Variants in GSK3B observed in about 807,000 individuals in gnomAD.
GSK3B encodes the protein glycogen synthase kinase 3 beta.
In GSK3B, 15 loss-of-function variants were observed where a neutral mutation model predicts 56.4. The ratio of observed to expected loss-of-function variants is 0.27; its 90% confidence interval spans 0.18 to 0.41. The LOEUF (loss-of-function observed/expected upper bound fraction) is 0.41, where lower values mean the gene tolerates loss of function less well. Ranked by LOEUF, GSK3B falls within the 10% of genes least tolerant of loss-of-function variation. GSK3B has a pLI of 1.00. For missense variants in GSK3B, 300 were observed against 513.4 expected, an observed-to-expected ratio of 0.58 and a Z score of 4.02; for synonymous variants, 181 against 188.9, an observed-to-expected ratio of 0.96 and a Z score of 0.34.
chr3:120,023,641 T>C (rs1267023342), intron 1 of GSK3B, among the ~76,000 whole-genome samples: 2 of 152,166 alleles, frequency 1.3e-5, no homozygotes, highest in Non-Finnish European at 2.9e-5. Context: ...CCATTTCCCT[T>C]ATCTTAAGAC....
At chr3:119,948,903 T>C (rs905881084) in intron 2 of GSK3B, among the ~76,000 whole-genome samples, 2 of 152,138 alleles carry the variant, frequency 1.3e-5, no homozygotes, top group African/African-American at 4.8e-5. Context: ...GGTTTCACCA[T>C]GTTGGCCAGG....
chr3:119,847,023 A>G (rs2055864897), intron 9 of GSK3B, among the ~76,000 whole-genome samples: 2 of 152,206 alleles, frequency 1.3e-5, no homozygotes, highest in African/African-American at 4.8e-5. Flanking sequence ...CATTCTCAGC[A>G]AACTAACACA....
chr3:120,064,238 T>C (rs2058261975), intron 1 of GSK3B, among the ~76,000 whole-genome samples: 1 of 151,810 alleles, frequency 6.6e-6, no homozygotes, highest in African/African-American at 2.4e-5. Flanking sequence ...ACCCTTAATC[T>C]TGAAACAAAA....
intron 1 of GSK3B, among the ~76,000 whole-genome samples, chr3:120,012,599 G>A (rs1378523021): frequency 6.6e-6 from 1 of 152,094 alleles, no homozygotes; most frequent in Non-Finnish European, 1.5e-5. Context: ...ACATAAACCA[G>A]AATAGACCCC....
chr3:120,017,117 A>AT (rs1183915128), intron 1 of GSK3B, among the ~76,000 whole-genome samples: 1 of 152,338 alleles, frequency 6.6e-6, no homozygotes, highest in East Asian at 1.9e-4. Context: ...GGTAGACACT[A>AT]TATTTAAATT....
chr3:119,892,393 C>T (rs1282106177), intron 7 of GSK3B, among the ~76,000 whole-genome samples: 1 of 152,170 alleles, frequency 6.6e-6, no homozygotes, highest in Non-Finnish European at 1.5e-5. Flanking sequence ...TATCCACTCC[C>T]TTCCGCTCCC....
rs71156775 is a variant in GSK3B, at chr3:119,822,243, T to TTA, written c.*4543_*4544dup. ...TAGTTTGTATACAACCCACAGTCCT[T>TTA]TATATATATATATATATATATATAA... On this transcript the variant is annotated 3_prime_UTR_variant, in exon 11 of 11. Coordinates refer to ENST00000264235, the MANE Select transcript of GSK3B (RefSeq NM_001146156.2). 10,458 of 156,728 alleles carry TTA rather than the reference T, an allele frequency of 0.067. 208 individuals carry two copies. Among genetic ancestry groups the TTA allele is most frequent in the East Asian group, 0.15 (1,218 of 8,064 alleles). 9.7% of individuals were successfully genotyped at this position (156,728 alleles called of 1,614,324 possible).
chr3:119,859,938 CACAT>C (rs1360925758), intron 9 of GSK3B, among the ~76,000 whole-genome samples: 4 of 152,192 alleles, frequency 2.6e-5, no homozygotes, highest in Non-Finnish European at 5.9e-5. Flanking sequence ...CTACCATTCT[CACAT>C]AATCTAGCCA....
intron 2 of GSK3B, among the ~76,000 whole-genome samples, chr3:119,952,325 T>C (rs528312977): frequency 6.6e-6 from 1 of 151,608 alleles, no homozygotes; most frequent in East Asian, 1.9e-4. Flanking sequence ...CCATCTCTAC[T>C]AAAAATACAA....
intron 9 of GSK3B, among the ~76,000 whole-genome samples, chr3:119,854,475 AAT>A (rs1201475413): frequency 9.9e-5 from 15 of 152,226 alleles, no homozygotes; most frequent in African/African-American, 3.4e-4. Context: ...TATTGACTGG[AAT>A]AGTTTCAGAA....
chr3:120,091,211 G>A (rs1240367693), intron 1 of GSK3B, among the ~76,000 whole-genome samples: 1 of 152,112 alleles, frequency 6.6e-6, no homozygotes, highest in Non-Finnish European at 1.5e-5. Context: ...AAGCTTTTGA[G>A]AGCAAGGACT....
At chr3:119,864,495 T>C (rs2056150371) in intron 8 of GSK3B, among the ~76,000 whole-genome samples, 1 of 152,178 alleles carries the variant, frequency 6.6e-6, no homozygotes. Context: ...GAGAAGCCTT[T>C]GAAATTAAAG....
intron 1 of GSK3B, among the ~76,000 whole-genome samples, chr3:120,027,600 T>C (rs2057939209): frequency 6.6e-6 from 1 of 152,162 alleles, no homozygotes; most frequent in Admixed American, 6.5e-5. Flanking sequence ...ACACTCACAA[T>C]GAACAGACTA....
At chr3:119,943,941 T>G (rs773590783) in intron 3 of GSK3B, among the ~76,000 whole-genome samples, 10 of 151,524 alleles carry the variant, frequency 6.6e-5, no homozygotes, top group Non-Finnish European at 8.8e-5. Context: ...CAGTGAAAGG[T>G]TGAGGAATCC....
At chr3:119,842,167 C>T (rs943411821) in intron 10 of GSK3B, among the ~76,000 whole-genome samples, 62 of 152,172 alleles carry the variant, frequency 4.1e-4, no homozygotes, top group African/African-American at 1.4e-3. Context: ...GTTTTAAAAG[C>T]ATCCAGTCAT....
At chr3:119,873,483 C>T (rs934965840) in intron 8 of GSK3B, among the ~76,000 whole-genome samples, 4 of 152,062 alleles carry the variant, frequency 2.6e-5, no homozygotes, top group African/African-American at 9.7e-5. Flanking sequence ...TGTTTCCAGA[C>T]TCCTGTTTAC....
At chr3:120,080,492 C>T (rs2058409997) in intron 1 of GSK3B, among the ~76,000 whole-genome samples, 1 of 152,070 alleles carries the variant, frequency 6.6e-6, no homozygotes, top group South Asian at 2.1e-4. Context: ...ACTAACATAT[C>T]AAACAAACAA....
At chr3:119,861,658 C>A (rs1038140179) in intron 9 of GSK3B, among the ~76,000 whole-genome samples, 1 of 152,028 alleles carries the variant, frequency 6.6e-6, no homozygotes, top group Non-Finnish European at 1.5e-5. Context: ...TTACAAAGAC[C>A]GTGAGAAAGT....
intron 1 of GSK3B, among the ~76,000 whole-genome samples, chr3:120,051,054 T>G (rs542257926): frequency 6.6e-6 from 1 of 151,964 alleles, no homozygotes. Context: ...TACAATCATT[T>G]TGAGAAGAAA....
Sources: allele counts gnomAD v4.1 joint callset (sites outside exome capture counted in the v4.1 genomes callset), GRCh38; gene constraint gnomAD v4.1.1; transcripts MANE v1.5; gene names NCBI Gene and HGNC (gene_info 2026-07-23, HGNC 2026-07-21).